LRRC56: variants seen among roughly 807,000 people sequenced by gnomAD.
LRRC56 encodes leucine rich repeat containing 56, also known as leucine-rich repeat-containing protein 56.
In LRRC56, 41 loss-of-function variants were observed where a neutral mutation model predicts 47.8. The ratio of observed to expected loss-of-function variants is 0.86; its 90% CI spans 0.67 to 1.11. The LOEUF is 1.11. Among genes scored for constraint, LRRC56 ranks in the 50% most tolerant of loss-of-function variants. The pLI, the probability that LRRC56 is intolerant of heterozygous loss-of-function variation, is 0.00. For missense variants in LRRC56, 759 were observed against 704.2 expected (o/e 1.08, Z -0.88); for synonymous variants, 387 against 311.2 (o/e 1.24, Z -2.56).
the LRRC56 span, among the ~76,000 whole-genome samples, chr11:518,735 G>A: frequency 6.6e-6 from 1 of 152,156 alleles, no homozygotes; most frequent in Non-Finnish European, 1.5e-5. Flanking sequence ...GCGCGGAACC[G>A]GACGCCCAGG....
At chr11:527,341 C>G in the LRRC56 span, among the ~76,000 whole-genome samples, 2 of 152,132 alleles carry the variant, frequency 1.3e-5, no homozygotes, top group East Asian at 3.8e-4. Flanking sequence ...CTGTGCTAAC[C>G]ACGAGCACCT....
Position 554,369 on chromosome 11 carries a change from G to A in LRRC56, c.*93G>A, listed in dbSNP as rs887708973. The A allele has an allele frequency of 1.7e-6, 2 of 1,170,242 alleles. No homozygotes were observed. Among genetic ancestry groups the A allele is most frequent in the East Asian group, 3.0e-5 (1 of 33,626 alleles). The allele number at this position is 1,170,242 out of a possible 1,614,324, so 72.5% of individuals were successfully genotyped here. On this transcript the variant is annotated 3_prime_UTR_variant, in exon 14 of 14. Coordinates refer to ENST00000270115, the MANE Select transcript of LRRC56 (RefSeq NM_198075.4). ...ACAGAATACCTGGGCGGGTGTGTTG[G>A]GGGGTGGAAGGAGTGCCTGGCCCTG...
At chr11:510,519 T>C in the LRRC56 span, among the ~76,000 whole-genome samples, 157 of 149,928 alleles carry the variant, frequency 1.0e-3, 1 homozygote, top group African/African-American at 3.7e-3. Flanking sequence ...AGGCAGATCA[T>C]TTGCGGTCGG....
At chr11:532,669 G>T, upstream of LRRC56, 1 of 1,612,886 alleles carries the variant, frequency 6.2e-7, no homozygotes, top group Non-Finnish European at 8.5e-7. Context: ...TCATGCAGCC[G>T]GGGCCACTCT....
rs1852472813 is a variant in LRRC56, at chr11:552,645, G to A, written c.1258G>A (p.Glu420Lys). 1 of 1,611,900 alleles carries A rather than the reference G, an allele frequency of 6.2e-7. No individual in the cohort carries two copies. The highest frequency in any genetic ancestry group is 2.2e-5 in the East Asian group (1 of 44,862). Residue 420 changes from glutamate to lysine, a missense_variant, in exon 13 of 14, where the codon GAG becomes AAG. By Grantham distance (56) the Glu-to-Lys change is moderately conservative (BLOSUM62 1). Transcript: ENST00000270115. ...CTGGGGCCCACGGAGGGTCCCTGAAGAGCAAGTGCACCAGGCAGAGCCCAA... is the reference window on the plus strand; with the variant it reads ...CTGGGGCCCACGGAGGGTCCCTGAAAAGCAAGTGCACCAGGCAGAGCCCAA... Reference protein sequence around the residue: ...APWGPRRVPEEQVHQAEPKTP... With the variant: ...APWGPRRVPEKQVHQAEPKTP...
At chr11:507,825 G>A in the LRRC56 span, among the ~76,000 whole-genome samples, 1 of 152,230 alleles carries the variant, frequency 6.6e-6, no homozygotes, top group East Asian at 1.9e-4. Context: ...GCCACTGGCT[G>A]CCGCCTTTGT....
intron 8 of LRRC56, 66 bp from the exon 9 acceptor site, chr11:551,065 A>C: frequency 1.0e-5 from 10 of 961,910 alleles, no homozygotes; most frequent in Non-Finnish European, 1.3e-5. Context: ...AGCCAGGGAA[A>C]GAGCTGGCCG....
Position 540,768 on chromosome 11 carries a change from G to T in LRRC56, c.84G>T (p.Leu28=), listed in dbSNP as rs764601615. The part of the protein sequence containing the change: ...VRVRELSWQG[L]HNPCPQSKGP... ...TGCGGGAGCTGAGCTGGCAAGGCCT[G>T]CACAACCCCTGCCCACAGAGCAAGG... The change falls in exon 4 of 14, where the codon CTG becomes CTT. Residue 28 remains leucine (L), a synonymous_variant. Transcript: ENST00000270115. 2.9e-5 allele frequency: 46 copies of T among 1,610,530 alleles called. No homozygotes were observed. The highest frequency in any genetic ancestry group is 3.7e-5 in the Non-Finnish European group (44 of 1,179,210).
Position 554,322 on chromosome 11 carries a change from C to A in LRRC56, c.*46C>A. 1.4e-6 allele frequency: 2 copies of A among 1,431,686 alleles called. No homozygotes were observed. Among genetic ancestry groups the A allele is most frequent in the Middle Eastern group, 1.9e-4 (1 of 5,374 alleles). 88.7% of individuals were successfully genotyped at this position (1,431,686 alleles called of 1,614,324 possible). ...TTCCCTGTGCTGGGGCCACGACTTG[C>A]CCACATATGTGGTCACAGAGCACAG... On this transcript the variant is annotated 3_prime_UTR_variant, in exon 14 of 14. Transcript: ENST00000270115.
chr11:536,829 C>T (rs1053240811), upstream of LRRC56: 1 of 152,294 alleles, frequency 6.6e-6, no homozygotes. Context: ...CCCGCCTCGC[C>T]CTCCTGCGCC....
At chr11:517,857 C>G in the LRRC56 span, among the ~76,000 whole-genome samples, 1 of 152,248 alleles carries the variant, frequency 6.6e-6, no homozygotes, top group Non-Finnish European at 1.5e-5. Flanking sequence ...TGCTGTTAAT[C>G]TATAACCTTA....
At chr11:519,057 G>C in the LRRC56 span, among the ~76,000 whole-genome samples, 1 of 152,206 alleles carries the variant, frequency 6.6e-6, no homozygotes, top group Non-Finnish European at 1.5e-5. Context: ...CCGTGTGTCC[G>C]CTGTGCAAAC....
chr11:518,213 C>A, the LRRC56 span, among the ~76,000 whole-genome samples: 1 of 151,398 alleles, frequency 6.6e-6, no homozygotes, highest in East Asian at 1.9e-4. Context: ...GATGGAGTCT[C>A]GCTCTGTCGC....
Position 554,283 on chromosome 11 carries a change from C to T in LRRC56, c.*7C>T, listed in dbSNP as rs768846092. Reference sequence around the variant, plus strand: ...CAGCCCCGTCCCCACTTAATATAGCCCCCACTGCCAGGCTTCCCTGTGCTG... The same window carrying T: ...CAGCCCCGTCCCCACTTAATATAGCTCCCACTGCCAGGCTTCCCTGTGCTG... On this transcript the variant is annotated 3_prime_UTR_variant, in exon 14 of 14. Coordinates refer to ENST00000270115, the MANE Select transcript of LRRC56 (RefSeq NM_198075.4). 11 of 1,478,810 alleles carry T rather than the reference C, an allele frequency of 7.4e-6. No individual in the cohort carries two copies. The East Asian group carries it at 2.4e-4, about 32-fold the overall frequency. The allele number at this position is 1,478,810 out of a possible 1,614,324, so 91.6% of individuals were successfully genotyped here.
chr11:532,714 C>T (rs1461319720), upstream of LRRC56: 19 of 1,613,068 alleles, frequency 1.2e-5, no homozygotes, highest in Non-Finnish European at 1.4e-5. Context: ...GCTTGTGCTG[C>T]CGGATCTCAC....
chr11:533,522 A>C, upstream of LRRC56: 1 of 1,613,750 alleles, frequency 6.2e-7, no homozygotes, highest in Non-Finnish European at 8.5e-7. Flanking sequence ...GAGCCTGCCG[A>C]GATTCCACAG....
rs749170794 is a variant in LRRC56 at position 554,138 on chromosome 11, T to G, written c.1491T>G (p.Pro497=). The change falls in exon 14 of 14, where the codon CCT becomes CCG. Residue 497 remains proline (P), a synonymous_variant. Transcript: ENST00000270115. The part of the protein sequence containing the change: ...PGLGDGVAAV[P]VLRALEVASR... ...TGGGTGATGGGGTGGCTGCAGTGCC[T>G]GTCCTGAGAGCCCTGGAGGTGGCCT... 1 of 1,601,860 alleles carries G rather than the reference T, an allele frequency of 6.2e-7. No individual in the cohort carries two copies. The highest frequency in any genetic ancestry group is 1.3e-5 in the African/African-American group (1 of 74,810).
At chr11:527,734 C>T in the LRRC56 span, among the ~76,000 whole-genome samples, 8 of 132,848 alleles carry the variant, frequency 6.0e-5, no homozygotes, top group Admixed American at 5.7e-4. Flanking sequence ...GAGTTTCGCT[C>T]TTGTTGCCCA....
At chr11:540,209 G>A (rs965155585) in intron 3 of LRRC56, among the ~76,000 whole-genome samples, 2 of 152,190 alleles carry the variant, frequency 1.3e-5, no homozygotes, top group African/African-American at 2.4e-5. Flanking sequence ...GGTAGGGGAA[G>A]GCCTGGGACT....
Sources: gnomAD v4.1 joint callset for allele counts (sites outside exome capture counted in the v4.1 genomes callset) on GRCh38, gnomAD v4.1.1 for gene constraint, MANE v1.5 for transcripts, NCBI Gene and HGNC (gene_info 2026-07-23, HGNC 2026-07-21) for gene names.